Variants in DOK6 observed in about 807,000 individuals in gnomAD.
DOK6 encodes the protein downstream of tyrosine kinase 6.
A neutral mutation model predicts 44.0 loss-of-function variants in DOK6; 22 were observed. The observed-to-expected ratio is 0.50, with a 90% CI of 0.36 to 0.71. DOK6 has a LOEUF of 0.71. Among genes scored for constraint, DOK6 ranks in the 30% least tolerant of loss-of-function variants. The pLI is 0.00. For missense variants in DOK6, 340 were observed against 416.4 expected (o/e 0.82, Z 1.60); for synonymous variants, 166 against 145.5 (o/e 1.14, Z -1.01).
intron 1 of DOK6, among the ~76,000 whole-genome samples, chr18:69,532,585 G>A (rs1321796853): frequency 6.6e-6 from 1 of 152,322 alleles, no homozygotes; most frequent in East Asian, 1.9e-4. Flanking sequence ...TGGAAGGCAG[G>A]TGTGGTGGCC....
chr18:69,745,013 G>T (rs1978940318), intron 6 of DOK6, among the ~76,000 whole-genome samples: 1 of 151,500 alleles, frequency 6.6e-6, no homozygotes, highest in South Asian at 2.1e-4. Context: ...AGGAGGTAGA[G>T]ATAGTGAGAA....
At chr18:69,793,415 G>A (rs905331852) in intron 7 of DOK6, among the ~76,000 whole-genome samples, 8 of 152,146 alleles carry the variant, frequency 5.3e-5, no homozygotes, top group African/African-American at 1.7e-4. Flanking sequence ...AGATCAAGGT[G>A]TTGACAGAAA....
chr18:69,626,647 C>T (rs372239512), intron 3 of DOK6, among the ~76,000 whole-genome samples: 44 of 152,282 alleles, frequency 2.9e-4, no homozygotes, highest in African/African-American at 1.0e-3. Context: ...AAAAACTGGT[C>T]TTAACCAAAG....
At chr18:69,689,566 T>C (rs906558330) in intron 4 of DOK6, among the ~76,000 whole-genome samples, 1 of 152,156 alleles carries the variant, frequency 6.6e-6, no homozygotes, top group African/African-American at 2.4e-5. Flanking sequence ...TATTTATTGG[T>C]AAGGGATTTC....
At chr18:69,587,992 A>G (rs769480443) in intron 2 of DOK6, among the ~76,000 whole-genome samples, 16 of 152,126 alleles carry the variant, frequency 1.1e-4, no homozygotes, top group Admixed American at 2.6e-4. Flanking sequence ...TTTATAGTTG[A>G]ATTCTTCTCT....
chr18:69,437,805 A>G (rs1213104015), intron 1 of DOK6, among the ~76,000 whole-genome samples: 1 of 152,182 alleles, frequency 6.6e-6, no homozygotes, highest in Admixed American at 6.6e-5. Flanking sequence ...TAAAAATGTT[A>G]TTGGTTCAGT....
chr18:69,733,541 C>T (rs1405705100), intron 5 of DOK6, among the ~76,000 whole-genome samples: 1 of 152,126 alleles, frequency 6.6e-6, no homozygotes, highest in East Asian at 1.9e-4. Context: ...GCTGAGAACA[C>T]TTATCCACCC....
chr18:69,476,925 A>C (rs8083908), intron 1 of DOK6, among the ~76,000 whole-genome samples: 65,799 of 152,042 alleles, frequency 0.43, 14,961 homozygotes, highest in Middle Eastern at 0.54. Flanking sequence ...GGGCCAGTGG[A>C]ATTTATAGAT....
rs150114554 is a variant in DOK6, at chr18:69,535,883, C to T, written c.67-28604C>T. Among the ~76,000 whole-genome samples the T allele has an allele frequency of 3.0e-4, 45 of 151,972 alleles. 1 individual carries two copies. Among genetic ancestry groups the T allele is most frequent in the African/African-American group, 1.0e-3 (42 of 41,376 alleles). On this transcript the variant is annotated intron_variant, in intron 1 of 7. Coordinates refer to ENST00000382713, the MANE Select transcript of DOK6 (RefSeq NM_152721.6). ...GGCCAAATTATCAGCCAAATACCAA[C>T]GTAACAAGTATAACTTCCTAAAAAT...
intron 7 of DOK6, among the ~76,000 whole-genome samples, chr18:69,797,749 C>A (rs1427559084): frequency 6.6e-6 from 1 of 152,068 alleles, no homozygotes; most frequent in Non-Finnish European, 1.5e-5. Flanking sequence ...TATTTTCTTA[C>A]TTCCTCACAG....
rs201132523 is a variant in DOK6, at chr18:69,440,351, A to T, written c.66+39041A>T. Among the ~76,000 whole-genome samples the T allele has an allele frequency of 9.8e-5, 15 of 152,334 alleles. No homozygotes were observed. In the East Asian group the frequency reaches 2.7e-3, roughly 27 times the overall value. The stretch of plus-strand genomic sequence containing the variant: ...AAATGTGACAAAGAGACAGGAAGTG[A>T]GCACATGCTGTTGGAAAAATGGAGG... On this transcript the variant is annotated intron_variant, in intron 1 of 7. Transcript: ENST00000382713.
At chr18:69,816,486 CTA>C (rs1427724504) in intron 7 of DOK6, among the ~76,000 whole-genome samples, 12 of 152,166 alleles carry the variant, frequency 7.9e-5, no homozygotes, top group Admixed American at 4.6e-4. Flanking sequence ...AGTAAAGAGA[CTA>C]TGTTTTCAGA....
chr18:69,830,077 CA>C (rs1387818073), intron 7 of DOK6, among the ~76,000 whole-genome samples: 5 of 151,946 alleles, frequency 3.3e-5, no homozygotes, highest in African/African-American at 1.2e-4. Flanking sequence ...CAAACAAGTG[CA>C]AATACCTTCC....
chr18:69,431,918 AC>A, intron 1 of DOK6, among the ~76,000 whole-genome samples: 1 of 152,352 alleles, frequency 6.6e-6, no homozygotes, highest in Admixed American at 6.5e-5. Context: ...TTACATAAGC[AC>A]AGAATAATTA....
At chr18:69,429,348 T>G (rs1161909184) in intron 1 of DOK6, among the ~76,000 whole-genome samples, 2 of 152,012 alleles carry the variant, frequency 1.3e-5, no homozygotes, top group African/African-American at 4.8e-5. Flanking sequence ...CCTGTTTAAC[T>G]GCACACTAAA....
At position 69,579,347 on chromosome 18, in the gene DOK6, A is replaced by C. The variant is rs149229897; in HGVS notation, c.174+14753A>C. ...TCTACTTTTTAGAATCAAGTTAATC[A>C]TATTTGGATATCAAGTATACTATAA... On this transcript the variant is annotated intron_variant, in intron 2 of 7. Coordinates refer to ENST00000382713, the MANE Select transcript of DOK6 (RefSeq NM_152721.6). 4.3e-4 allele frequency among the ~76,000 whole-genome samples: 65 copies of C among 152,342 alleles called. 2 individuals are homozygous for C. Among genetic ancestry groups the C allele is most frequent in the African/African-American group, 1.4e-3 (59 of 41,594 alleles).
At chr18:69,811,643 A>AT (rs1391969227) in intron 7 of DOK6, among the ~76,000 whole-genome samples, 1 of 150,092 alleles carries the variant, frequency 6.7e-6, no homozygotes, top group Non-Finnish European at 1.5e-5. Context: ...ATTAACTTTT[A>AT]AAAAGATATG....
intron 1 of DOK6, among the ~76,000 whole-genome samples, chr18:69,511,619 C>A (rs893859458): frequency 2.6e-5 from 4 of 152,124 alleles, no homozygotes; most frequent in South Asian, 4.1e-4. Flanking sequence ...TAGGATTAGG[C>A]CCATACTGTC....
At chr18:69,462,840 C>G (rs1012452637) in intron 1 of DOK6, among the ~76,000 whole-genome samples, 4 of 152,174 alleles carry the variant, frequency 2.6e-5, no homozygotes, top group Non-Finnish European at 5.9e-5. Flanking sequence ...CGAAGTAACT[C>G]AAGCCATTAA....
Sources: gnomAD v4.1 joint callset for allele counts (sites outside exome capture counted in the v4.1 genomes callset) on GRCh38, gnomAD v4.1.1 for gene constraint, MANE v1.5 for transcripts, NCBI Gene and HGNC (gene_info 2026-07-23, HGNC 2026-07-21) for gene names.